PAM: variants seen among roughly 807,000 people sequenced by gnomAD.
PAM encodes peptidylglycine alpha-amidating monooxygenase.
In PAM, 72 loss-of-function variants were observed where a neutral mutation model predicts 122.1. The observed-to-expected ratio is 0.59, with a 90% CI of 0.49 to 0.72. The LOEUF is 0.72. PAM is among the 30% of genes least tolerant of loss of function. The probability of loss-of-function intolerance (pLI) is 0.00; values close to 1 mark genes in which losing one functional copy is unlikely to be tolerated. For missense variants in PAM, 1,106 were observed against 1,183.7 expected (o/e 0.93, Z 0.96); for synonymous variants, 389 against 404.4 (o/e 0.96, Z 0.46).
At chr5:102,757,481 G>A (rs189247625) in intron 1 of PAM, among the ~76,000 whole-genome samples, 6 of 152,300 alleles carry the variant, frequency 3.9e-5, no homozygotes, top group Admixed American at 3.9e-4. Context: ...AATGAATTCT[G>A]TGTTTTTAGA....
intron 12 of PAM, among the ~76,000 whole-genome samples, chr5:102,951,561 A>C (rs1221508812): frequency 6.6e-6 from 1 of 152,088 alleles, no homozygotes; most frequent in African/African-American, 2.4e-5. Context: ...GTAATCAAAG[A>C]GAAGTTACAG....
At chr5:102,941,859 A>AAAAG (rs1755356858) in intron 7 of PAM, among the ~76,000 whole-genome samples, 1 of 147,410 alleles carries the variant, frequency 6.8e-6, no homozygotes, top group South Asian at 2.1e-4. Context: ...AAAAAAAAAA[A>AAAAG]GAGCTGTGTC....
At chr5:103,028,346 A>C in intron 25 of PAM, 108 bp downstream of exon 25, 1 of 781,136 alleles carries the variant, frequency 1.3e-6, no homozygotes, top group Non-Finnish European at 2.2e-6. Flanking sequence ...AAGATAAAGC[A>C]CCTTGTATGC....
rs886896922 is a variant in PAM at position 102,807,046 on chromosome 5, A to G, written c.-374+51698A>G. 2.0e-5 allele frequency among the ~76,000 whole-genome samples: 3 copies of G among 152,252 alleles called. No individual in the cohort carries two copies. In the South Asian group the frequency reaches 6.2e-4, roughly 32 times the overall value. ...CTGAGATCTAAATATACAGTACGGA[A>G]TGACAACCTTCATTTTTGATTGTGA... is the stretch of plus-strand genomic sequence containing the variant. On this transcript the variant is annotated intron_variant, in intron 1 of 25. Coordinates refer to ENST00000438793, the MANE Select transcript of PAM (RefSeq NM_001177306.2).
intron 1 of PAM, among the ~76,000 whole-genome samples, chr5:102,817,879 A>T (rs938110387): frequency 2.6e-5 from 4 of 151,756 alleles, no homozygotes; most frequent in Non-Finnish European, 4.4e-5. Context: ...AGCCAAACAT[A>T]TTTCCATGTT....
At chr5:103,012,025 C>G (rs1004708414) in intron 21 of PAM, among the ~76,000 whole-genome samples, 1 of 152,182 alleles carries the variant, frequency 6.6e-6, no homozygotes, top group Non-Finnish European at 1.5e-5. Flanking sequence ...ATGTTGAGCA[C>G]TTTTCCATAT....
At chr5:102,813,487 ACCATTGCAAGCTCT>A in intron 1 of PAM, among the ~76,000 whole-genome samples, 1 of 152,288 alleles carries the variant, frequency 6.6e-6, no homozygotes, top group East Asian at 1.9e-4. Context: ...AGATCAGAGA[ACCATTGCAAGCTCT>A]CCTCATTTTT....
chr5:102,866,223 G>A lies in PAM; in HGVS notation c.28G>A (p.Val10Ile), dbSNP rs755806888. The A allele has an allele frequency of 7.4e-6, 12 of 1,613,600 alleles. No homozygotes were observed. Among genetic ancestry groups the A allele is most frequent in the Non-Finnish European group, 1.0e-5 (12 of 1,179,840 alleles). The change falls in exon 2 of 26, where the codon GTT becomes ATT. Residue 10 changes from valine (V) to isoleucine (I), a missense_variant. Val to Ile is a conservative substitution (Grantham distance 29). Around this residue, in one of 3 missense-constraint regions of PAM, gnomAD observed 670 missense variants for 690.3 expected, o/e 0.97. Transcript: ENST00000438793. ...GGCTGGCCGCGTCCCTAGCCTGCTA[G>A]TTCTCCTTGTTTTTCCAAGCAGCTG... The part of the protein sequence containing the change: MAGRVPSLL[V>I]LLVFPSSCLA...
chr5:102,799,437 C>T (rs1416840831), intron 1 of PAM, among the ~76,000 whole-genome samples: 2 of 152,140 alleles, frequency 1.3e-5, no homozygotes, highest in Admixed American at 1.3e-4. Flanking sequence ...ATGCATAACA[C>T]ATTAGGTGGG....
chr5:102,798,019 A>T (rs1361812453), intron 1 of PAM, among the ~76,000 whole-genome samples: 3 of 152,168 alleles, frequency 2.0e-5, no homozygotes, highest in African/African-American at 7.2e-5. Context: ...ACAATGGCAT[A>T]TACTATATAT....
intron 1 of PAM, among the ~76,000 whole-genome samples, chr5:102,773,179 T>C (rs1756265343): frequency 6.6e-6 from 1 of 152,142 alleles, no homozygotes; most frequent in African/African-American, 2.4e-5. Flanking sequence ...TGTTTTTACA[T>C]ACAAATTCCT....
chr5:102,816,496 A>G (rs1769841094), intron 1 of PAM, among the ~76,000 whole-genome samples: 1 of 152,066 alleles, frequency 6.6e-6, no homozygotes, highest in African/African-American at 2.4e-5. Flanking sequence ...GTAACTCTTG[A>G]ACCCACTTTT....
intron 2 of PAM, 23 bp downstream of exon 2, chr5:102,866,307 C>G: frequency 6.9e-7 from 1 of 1,456,804 alleles, no homozygotes; most frequent in Non-Finnish European, 9.6e-7. Context: ...TGTTCGGGTG[C>G]TTTCTGTGCA....
chr5:102,927,430 C>G (rs1161784201), intron 7 of PAM, among the ~76,000 whole-genome samples: 1 of 152,146 alleles, frequency 6.6e-6, no homozygotes, highest in Non-Finnish European at 1.5e-5. Context: ...TGCTTTTCTA[C>G]TATGTCTTGC....
chr5:102,900,793 C>T (rs949326197), intron 3 of PAM, among the ~76,000 whole-genome samples: 4 of 151,208 alleles, frequency 2.6e-5, no homozygotes, highest in Admixed American at 2.6e-4. Flanking sequence ...AAAAAATGAC[C>T]ATTTAGATGA....
intron 4 of PAM, among the ~76,000 whole-genome samples, chr5:102,909,790 C>T (rs891872825): frequency 6.6e-6 from 1 of 151,800 alleles, no homozygotes; most frequent in Admixed American, 6.6e-5. Context: ...CAGTGTATAA[C>T]ACGATTACAT....
intron 5 of PAM, among the ~76,000 whole-genome samples, chr5:102,924,459 A>G (rs1015490154): frequency 6.6e-6 from 1 of 151,252 alleles, no homozygotes; most frequent in Non-Finnish European, 1.5e-5. Flanking sequence ...AAACAAAAAA[A>G]CTCTTAAAAG....
chr5:102,866,191 TG>T lies in PAM; in HGVS notation c.-3del. On this transcript the variant is annotated 5_prime_UTR_variant, in exon 2 of 26. Coordinates refer to ENST00000438793, the MANE Select transcript of PAM (RefSeq NM_001177306.2). Reference sequence around the variant, plus strand: ...CTCTCCCGGCGGGGTCGTATCGGCGTGGACATGGCTGGCCGCGTCCCTAGCC... The same window carrying T: ...CTCTCCCGGCGGGGTCGTATCGGCGTGACATGGCTGGCCGCGTCCCTAGCC... The T allele has an allele frequency of 6.2e-7, 1 of 1,608,954 alleles. No homozygotes were observed. The highest frequency in any genetic ancestry group is 8.5e-7 in the Non-Finnish European group (1 of 1,176,476).
intron 3 of PAM, among the ~76,000 whole-genome samples, chr5:102,890,525 A>G (rs1794501088): frequency 6.6e-6 from 1 of 151,868 alleles, no homozygotes; most frequent in African/African-American, 2.4e-5. Context: ...TGTTGCTTAC[A>G]TCATTTTTGT....
Sources: gnomAD v4.1 joint callset for allele counts (sites outside exome capture counted in the v4.1 genomes callset) on GRCh38, gnomAD v4.1.1 for gene constraint, gnomAD v4.1.1 regional missense constraint, MANE v1.5 for transcripts, NCBI Gene and HGNC (gene_info 2026-07-23, HGNC 2026-07-21) for gene names.